GGTA1: variants seen among roughly 807,000 people sequenced by gnomAD.
GGTA1 encodes the protein glycoprotein alpha-galactosyltransferase 1 (inactive).
In GGTA1, 5 loss-of-function variants were observed where a neutral mutation model predicts 2.6. That is an observed-to-expected ratio of 1.92 (90% CI 1.00 to 4.04). The LOEUF (loss-of-function observed/expected upper bound fraction) is 4.04. GGTA1 is among the 30% of genes most tolerant of loss of function. The pLI is 0.00. For missense variants in GGTA1, 50 were observed against 16.7 expected (o/e 2.99, Z -3.47); for synonymous variants, 17 against 5.0 (o/e 3.38, Z -3.19).
chr9:121,493,416 C>T (rs574827128), intron 1 of GGTA1, among the ~76,000 whole-genome samples: 2 of 152,124 alleles, frequency 1.3e-5, no homozygotes, highest in Admixed American at 6.6e-5. Flanking sequence ...GTTTTTCGCC[C>T]AAGACATTAA....
chr9:121,471,933 G>A (rs1481355940), intron 1 of GGTA1, among the ~76,000 whole-genome samples: 1 of 152,188 alleles, frequency 6.6e-6, no homozygotes, highest in Non-Finnish European at 1.5e-5. Flanking sequence ...TCTCTGTGCC[G>A]ATGTCCTCAC....
At chr9:121,461,995 A>G (rs1351843038) in intron 3 of GGTA1, among the ~76,000 whole-genome samples, 1 of 152,218 alleles carries the variant, frequency 6.6e-6, no homozygotes, top group Non-Finnish European at 1.5e-5. Flanking sequence ...CACCCATTTG[A>G]GAAAGTTTCC....
intron 2 of GGTA1, 69 bp from the exon 3 acceptor site, chr9:121,463,397 A>G (rs1011544184): frequency 2.3e-6 from 1 of 440,914 alleles, no homozygotes; most frequent in Non-Finnish European, 4.5e-6. Context: ...TTTTGTAACC[A>G]TTATCACTGA....
intron 7 of GGTA1, among the ~76,000 whole-genome samples, chr9:121,448,747 C>T (rs73661733): frequency 6.6e-6 from 1 of 152,090 alleles, no homozygotes; most frequent in African/African-American, 2.4e-5. Flanking sequence ...CACAGCCCCA[C>T]CCCTCCACTA....
chr9:121,488,849 C>G (rs1828815106), intron 1 of GGTA1, among the ~76,000 whole-genome samples: 1 of 152,172 alleles, frequency 6.6e-6, no homozygotes, highest in Admixed American at 6.5e-5. Context: ...GCAGAGGTTG[C>G]AGTGAGCTGA....
At chr9:121,463,748 A>G (rs1274929860) in intron 2 of GGTA1, among the ~76,000 whole-genome samples, 4 of 152,092 alleles carry the variant, frequency 2.6e-5, no homozygotes, top group Admixed American at 1.3e-4. Flanking sequence ...ACAGCTCTCC[A>G]TTGCAGAGAT....
chr9:121,473,108 T>C (rs1589332931), intron 1 of GGTA1, among the ~76,000 whole-genome samples: 1 of 151,810 alleles, frequency 6.6e-6, no homozygotes. Context: ...TCACTTGAGG[T>C]CAGGAGTTCG....
At chr9:121,457,395 G>C (rs1589327146) in intron 5 of GGTA1, among the ~76,000 whole-genome samples, 1 of 152,164 alleles carries the variant, frequency 6.6e-6, no homozygotes, top group Admixed American at 6.5e-5. Flanking sequence ...AAATGGATGA[G>C]AGCACATTGG....
intron 1 of GGTA1, among the ~76,000 whole-genome samples, chr9:121,495,094 A>C (rs767816532): frequency 1.3e-5 from 2 of 151,754 alleles, no homozygotes; most frequent in African/African-American, 4.8e-5. Flanking sequence ...TAATTTTTGT[A>C]TTTTTAGTAG....
intron 1 of GGTA1, among the ~76,000 whole-genome samples, chr9:121,491,557 T>C (rs1266758208): frequency 1.3e-5 from 2 of 151,948 alleles, no homozygotes; most frequent in East Asian, 3.9e-4. Flanking sequence ...GCCCCTGTTA[T>C]ACACGCTCTG....
chr9:121,452,500 CTATCTTTTTTTTT>C (rs945042172), downstream of GGTA1, among the ~76,000 whole-genome samples: 5 of 151,878 alleles, frequency 3.3e-5, no homozygotes, highest in African/African-American at 1.2e-4. Flanking sequence ...CCTCTGAGGG[CTATCTTTTTTTTT>C]TATTTTTATT....
At chr9:121,498,317 A>C (rs1829032956) in intron 1 of GGTA1, among the ~76,000 whole-genome samples, 2 of 152,228 alleles carry the variant, frequency 1.3e-5, no homozygotes, top group Admixed American at 1.3e-4. Flanking sequence ...GTTACATGTA[A>C]ATGAGATAAC....
At chr9:121,469,222 C>T (rs774928340) in intron 1 of GGTA1, among the ~76,000 whole-genome samples, 14 of 151,964 alleles carry the variant, frequency 9.2e-5, no homozygotes, top group Non-Finnish European at 1.9e-4. Context: ...AAAGTCGAGT[C>T]CCAAGGGATA....
Position 121,460,175 on chromosome 9 carries a change from T to TTTTCTTTGTCTATGTCTTCTTCCCCTTG in GGTA1, c.199_226dup (p.Lys76ThrfsTer40). The TTTTCTTTGTCTATGTCTTCTTCCCCTTG allele has an allele frequency of 2.2e-6, 1 of 457,058 alleles. No individual in the cohort carries two copies. Among genetic ancestry groups the TTTTCTTTGTCTATGTCTTCTTCCCCTTG allele is most frequent in the South Asian group, 1.5e-5 (1 of 64,570 alleles). The allele number at this position is 457,058 out of a possible 1,614,324, so 28.3% of individuals were successfully genotyped here. A position where few individuals can be genotyped will look rare whatever the true frequency, so the allele number is the denominator to read the frequency against. On this transcript the variant is annotated frameshift_variant, in exon 5 of 6. Coordinates refer to ENST00000481799, the MANE Select transcript of GGTA1 (RefSeq NM_001382585.1). LOFTEE classifies it high-confidence loss of function. ...CCTTCCTTTGGTCTCCTCTCTTCCTTTTTCTTTGTCTATGTCTTCTTCCCC... is the reference window on the plus strand; with the variant it reads ...CCTTCCTTTGGTCTCCTCTCTTCCTTTTTCTTTGTCTATGTCTTCTTCCCCTTGTTTCTTTGTCTATGTCTTCTTCCCC...
chr9:121,480,977 T>C (rs540470999), intron 1 of GGTA1, among the ~76,000 whole-genome samples: 16 of 151,230 alleles, frequency 1.1e-4, no homozygotes, highest in Admixed American at 4.6e-4. Context: ...CACGGTGAAA[T>C]CCCATCTCTA....
chr9:121,465,025 A>AAT (rs2064994894), intron 2 of GGTA1, among the ~76,000 whole-genome samples: 7 of 150,722 alleles, frequency 4.6e-5, no homozygotes, highest in Admixed American at 2.0e-4. Context: ...AAAACAAAAA[A>AAT]CAACTCCTCC....
chr9:121,497,239 G>T (rs1829014488), intron 1 of GGTA1, among the ~76,000 whole-genome samples: 2 of 152,022 alleles, frequency 1.3e-5, no homozygotes, highest in Non-Finnish European at 2.9e-5. Context: ...AAAATAAAAG[G>T]AAAGTACAGG....
Position 121,472,486 on chromosome 9 carries a change from G to A in GGTA1, c.-9-4555C>T, listed in dbSNP as rs190016710. On this transcript the variant is annotated intron_variant, in intron 1 of 5. Coordinates refer to ENST00000481799, the MANE Select transcript of GGTA1 (RefSeq NM_001382585.1). ...GGAGGATGCAATGAGATAGCACAGT[G>A]CCTGGTATTTAGCAAGTGCTCAAAA... 7.2e-5 allele frequency among the ~76,000 whole-genome samples: 11 copies of A among 152,318 alleles called. No homozygotes were observed. The East Asian group carries it at 2.1e-3, about 29-fold the overall frequency.
chr9:121,461,897 G>T (rs190862725), intron 3 of GGTA1, among the ~76,000 whole-genome samples: 1 of 152,204 alleles, frequency 6.6e-6, no homozygotes, highest in Non-Finnish European at 1.5e-5. Flanking sequence ...AAAAATTTGG[G>T]TTGCCCAAAG....
Sources: gnomAD v4.1 joint callset for allele counts (sites outside exome capture counted in the v4.1 genomes callset) on GRCh38, gnomAD v4.1.1 for gene constraint, MANE v1.5 for transcripts, NCBI Gene and HGNC (gene_info 2026-07-23, HGNC 2026-07-21) for gene names.